Variants in GRIK2 observed in about 807,000 individuals in gnomAD.
GRIK2 encodes the protein glutamate ionotropic receptor kainate type subunit 2.
GRIK2 carries 32 observed loss-of-function variants against 100.3 expected under a neutral mutation model. The ratio of observed to expected loss-of-function variants is 0.32; its 90% CI spans 0.24 to 0.43. The LOEUF (loss-of-function observed/expected upper bound fraction) is 0.43, where lower values mean the gene tolerates loss of function less well. GRIK2 is among the 20% of genes least tolerant of loss of function. The pLI, the probability that GRIK2 is intolerant of heterozygous loss-of-function variation, is 1.00. For synonymous variants in GRIK2, 417 were observed against 389.4 expected, an observed-to-expected ratio of 1.07 and a Z score of -0.83; for missense variants, 843 against 1,114.9, an observed-to-expected ratio of 0.76 and a Z score of 3.47.
intron 2 of GRIK2, among the ~76,000 whole-genome samples, chr6:101,420,347 C>T (rs1353583037): frequency 1.3e-5 from 2 of 152,166 alleles, no homozygotes; most frequent in Non-Finnish European, 2.9e-5. Flanking sequence ...TAAATACCTA[C>T]ATTATATTTA....
intron 11 of GRIK2, among the ~76,000 whole-genome samples, chr6:101,865,883 C>T (rs1476539758): frequency 2.1e-5 from 3 of 144,738 alleles, no homozygotes; most frequent in East Asian, 2.0e-4. Flanking sequence ...AGTGAGACCC[C>T]GTCTCAAAAA....
intron 2 of GRIK2, among the ~76,000 whole-genome samples, chr6:101,519,006 G>C (rs1452358247): frequency 1.3e-5 from 2 of 152,158 alleles, no homozygotes; most frequent in Non-Finnish European, 2.9e-5. Context: ...AGACATGTAA[G>C]AGTATAAAAT....
rs1411999142 is a variant in GRIK2, at chr6:101,613,757, G to C, written c.116-8192G>C. Among the ~76,000 whole-genome samples, 4 of 146,616 alleles carry C rather than the reference G, an allele frequency of 2.7e-5. No homozygotes were observed. The East Asian group carries it at 8.2e-4, about 30-fold the overall frequency. ...TTGAACTGTGGACACACTAGGCTGT[G>C]TTCAGAAAAAAAAAAAAAACTAGAA... On this transcript the variant is annotated intron_variant, in intron 2 of 16. Transcript: ENST00000369134.
At chr6:101,629,175 T>G (rs1286921592) in intron 4 of GRIK2, among the ~76,000 whole-genome samples, 4 of 152,136 alleles carry the variant, frequency 2.6e-5, no homozygotes, top group African/African-American at 9.6e-5. Context: ...TACTATTTAG[T>G]TACTCGTTAC....
chr6:101,736,389 C>T (rs1269781042), intron 7 of GRIK2, among the ~76,000 whole-genome samples: 3 of 152,188 alleles, frequency 2.0e-5, no homozygotes, highest in African/African-American at 7.2e-5. Flanking sequence ...ACGAGGGCCC[C>T]ATCCCTGCAG....
At chr6:101,560,354 T>C (rs1238211989) in intron 2 of GRIK2, among the ~76,000 whole-genome samples, 1 of 152,162 alleles carries the variant, frequency 6.6e-6, no homozygotes, top group African/African-American at 2.4e-5. Flanking sequence ...TAGTTACTTT[T>C]ATTTGTAGTA....
intron 4 of GRIK2, among the ~76,000 whole-genome samples, chr6:101,663,434 G>C (rs963341839): frequency 1.3e-5 from 2 of 152,260 alleles, no homozygotes; most frequent in East Asian, 3.9e-4. Flanking sequence ...CATCAGAATT[G>C]AACAATGAAG....
intron 14 of GRIK2, among the ~76,000 whole-genome samples, chr6:101,999,500 T>C (rs1794820572): frequency 6.6e-6 from 1 of 152,148 alleles, no homozygotes; most frequent in Non-Finnish European, 1.5e-5. Flanking sequence ...AAATGGTATT[T>C]TCAAAAACTT....
intron 2 of GRIK2, among the ~76,000 whole-genome samples, chr6:101,410,156 G>T (rs1317256729): frequency 6.6e-6 from 1 of 152,032 alleles, no homozygotes. Flanking sequence ...GCCAAGTTCT[G>T]TGGTTTAAAT....
At chr6:101,914,900 T>C (rs1582525422) in intron 12 of GRIK2, among the ~76,000 whole-genome samples, 1 of 151,560 alleles carries the variant, frequency 6.6e-6, no homozygotes, top group East Asian at 1.9e-4. Context: ...TTACTTTCAT[T>C]CCTTTCTTAA....
At chr6:101,824,014 C>T (rs1782147229) in intron 10 of GRIK2, among the ~76,000 whole-genome samples, 1 of 151,788 alleles carries the variant, frequency 6.6e-6, no homozygotes, top group South Asian at 2.1e-4. Flanking sequence ...ATTACAAGCA[C>T]TGCCACCATG....
chr6:101,560,482 C>T (rs1310111558), intron 2 of GRIK2, among the ~76,000 whole-genome samples: 1 of 151,890 alleles, frequency 6.6e-6, no homozygotes, highest in Non-Finnish European at 1.5e-5. Context: ...GCATTTTCAC[C>T]ATCTTGACAA....
chr6:101,658,844 A>G (rs1388634443), intron 4 of GRIK2, among the ~76,000 whole-genome samples: 2 of 152,092 alleles, frequency 1.3e-5, no homozygotes, highest in African/African-American at 4.8e-5. Context: ...GTGTCTGTTC[A>G]TATCCTTTGC....
chr6:101,686,394 A>C, intron 7 of GRIK2, 41 bp downstream of exon 7: 1 of 1,426,100 alleles, frequency 7.0e-7, no homozygotes, highest in Non-Finnish European at 9.9e-7. Context: ...GTGTTTCTAA[A>C]TAGTATTGCA....
intron 7 of GRIK2, among the ~76,000 whole-genome samples, chr6:101,740,978 A>C (rs890004015): frequency 4.6e-5 from 7 of 152,326 alleles, no homozygotes; most frequent in African/African-American, 1.7e-4. Flanking sequence ...CAATTATCCA[A>C]TCTATATCAG....
chr6:101,487,531 TC>T (rs1310887562), intron 2 of GRIK2, among the ~76,000 whole-genome samples: 3 of 146,898 alleles, frequency 2.0e-5, no homozygotes, highest in African/African-American at 7.8e-5. Flanking sequence ...CAAAGAACCT[TC>T]AGGGCCATCT....
chr6:101,793,805 C>T (rs960099764), intron 7 of GRIK2, among the ~76,000 whole-genome samples: 2 of 152,154 alleles, frequency 1.3e-5, no homozygotes, highest in Non-Finnish European at 2.9e-5. Context: ...TGTGCCCTGC[C>T]CCCAGAGGTG....
intron 7 of GRIK2, among the ~76,000 whole-genome samples, chr6:101,732,371 A>T (rs770914829): frequency 6.6e-6 from 1 of 152,062 alleles, no homozygotes; most frequent in Non-Finnish European, 1.5e-5. Context: ...ACATTACTTT[A>T]TTGAGATTTT....
In GRIK2 at chr6:101,921,825, G is replaced by C. The variant is rs150661970; in HGVS notation, c.1749-2776G>C. Among the ~76,000 whole-genome samples the C allele has an allele frequency of 1.2e-4, 19 of 152,170 alleles. No homozygotes were observed. In the East Asian group the frequency reaches 2.9e-3, roughly 23 times the overall value. ...AAAGCTTCCCAAGTATTGCCATAAA[G>C]AGCAAATTGGAAATTCATATTGGAG... On this transcript the variant is annotated intron_variant, in intron 12 of 16. Transcript: ENST00000369134.
Sources: gnomAD v4.1 joint callset for allele counts (sites outside exome capture counted in the v4.1 genomes callset) on GRCh38, gnomAD v4.1.1 for gene constraint, MANE v1.5 for transcripts, NCBI Gene and HGNC (gene_info 2026-07-23, HGNC 2026-07-21) for gene names.